Variants in GLIS3 observed in about 807,000 individuals in gnomAD.
GLIS3 encodes the protein GLIS family zinc finger 3, also known as zinc finger protein GLIS3.
A neutral mutation model predicts 78.6 loss-of-function variants in GLIS3; 53 were observed. That is an observed-to-expected ratio of 0.67 (90% CI 0.54 to 0.85). GLIS3 has a LOEUF of 0.85. GLIS3 is among the 40% of genes least tolerant of loss of function. The probability of loss-of-function intolerance (pLI) is 0.00; values close to 1 mark genes in which losing one functional copy is unlikely to be tolerated. For synonymous variants in GLIS3, 684 were observed against 509.9 expected (o/e 1.34, Z -4.60); for missense variants, 1,703 against 1,231.1 (o/e 1.38, Z -5.74).
intron 2 of GLIS3, among the ~76,000 whole-genome samples, chr9:4,171,986 G>C (rs1816412263): frequency 6.6e-6 from 1 of 152,126 alleles, no homozygotes; most frequent in South Asian, 2.1e-4. Context: ...AGGGTTTTTT[G>C]TGGTAGTTTG....
chr9:4,338,024 C>CTG (rs74777663), intron 2 of GLIS3, among the ~76,000 whole-genome samples: 17,117 of 138,672 alleles, frequency 0.12, 1,023 homozygotes, highest in East Asian at 0.17. Context: ...ATTGGCAAGG[C>CTG]TGTGTGTGTG....
intron 4 of GLIS3, among the ~76,000 whole-genome samples, chr9:4,002,978 T>A (rs1448326107): frequency 1.3e-5 from 2 of 152,236 alleles, no homozygotes; most frequent in Non-Finnish European, 1.5e-5. Flanking sequence ...TGCATACTTC[T>A]GGAAACATCC....
At chr9:4,275,784 GTAAA>G (rs1402434929) in intron 2 of GLIS3, among the ~76,000 whole-genome samples, 1 of 151,894 alleles carries the variant, frequency 6.6e-6, no homozygotes, top group African/African-American at 2.4e-5. Context: ...AAGCAAGTAA[GTAAA>G]TAAATAAATA....
intron 2 of GLIS3, among the ~76,000 whole-genome samples, chr9:4,328,119 G>A (rs567837419): frequency 2.4e-4 from 36 of 152,290 alleles, no homozygotes; most frequent in African/African-American, 8.4e-4. Context: ...TGATGGAAAA[G>A]CCCTGGATGC....
chr9:4,418,019 C>G, the GLIS3 span, among the ~76,000 whole-genome samples: 2 of 152,136 alleles, frequency 1.3e-5, no homozygotes, highest in South Asian at 2.1e-4. Context: ...CCACTAAAAC[C>G]CGCTAACACC....
intron 2 of GLIS3, among the ~76,000 whole-genome samples, chr9:4,232,994 T>A (rs1340177853): frequency 2.0e-5 from 3 of 152,240 alleles, no homozygotes; most frequent in African/African-American, 7.2e-5. Context: ...TATCATCTGC[T>A]ACTCCACTTC....
chr9:3,968,558 T>C (rs10974267), intron 4 of GLIS3, among the ~76,000 whole-genome samples: 2,966 of 152,290 alleles, frequency 0.019, 43 homozygotes, highest in Middle Eastern at 0.027. Context: ...ACAAATTATA[T>C]AAGAAAGCTA....
the GLIS3 span, among the ~76,000 whole-genome samples, chr9:4,389,203 C>G: frequency 6.6e-6 from 1 of 152,138 alleles, no homozygotes; most frequent in Non-Finnish European, 1.5e-5. Flanking sequence ...AGTAACTTGT[C>G]CAAAGTTGCA....
chr9:4,433,600 G>T, the GLIS3 span, among the ~76,000 whole-genome samples: 2 of 152,144 alleles, frequency 1.3e-5, no homozygotes, highest in African/African-American at 2.4e-5. Context: ...GAAATGATTT[G>T]CATAAGGTGA....
At chr9:4,099,581 T>C (rs961548777) in intron 4 of GLIS3, among the ~76,000 whole-genome samples, 3 of 152,204 alleles carry the variant, frequency 2.0e-5, no homozygotes, top group African/African-American at 4.8e-5. Flanking sequence ...TTTCACATAA[T>C]GTCACATTCT....
rs147727587 is a variant in GLIS3 at position 4,334,846 on chromosome 9, G to A, written n.264+12235C>T. Among the ~76,000 whole-genome samples the A allele has an allele frequency of 7.2e-3, 1,088 of 151,014 alleles. 3 individuals are homozygous for A. Among genetic ancestry groups the A allele is most frequent in the Middle Eastern group, 0.01 (3 of 288 alleles). On this transcript the variant is annotated intron_variant and non_coding_transcript_variant, in intron 2 of 4. Transcript: ENST00000471664. ...TGCCCAGCCATGGGCAGTCATGCCT[G>A]CTCTCTTCAACCCACAACTACAATA...
At chr9:4,066,034 G>T (rs376223209) in intron 4 of GLIS3, among the ~76,000 whole-genome samples, 9 of 43,412 alleles carry the variant, frequency 2.1e-4, no homozygotes, top group Admixed American at 8.3e-4. Flanking sequence ...ATGACCCAAA[G>T]AATATAAAAA....
the GLIS3 span, among the ~76,000 whole-genome samples, chr9:4,396,063 C>A: frequency 6.6e-6 from 1 of 151,230 alleles, no homozygotes; most frequent in African/African-American, 2.4e-5. Flanking sequence ...TGAGCCACTG[C>A]GCCTAGCCTG....
At chr9:4,458,509 G>T in the GLIS3 span, among the ~76,000 whole-genome samples, 1 of 152,202 alleles carries the variant, frequency 6.6e-6, no homozygotes, top group South Asian at 2.1e-4. Context: ...GTGGCCAGGG[G>T]CCAGGTGCAG....
chr9:4,385,484 C>A, the GLIS3 span, among the ~76,000 whole-genome samples: 1 of 151,944 alleles, frequency 6.6e-6, no homozygotes, highest in East Asian at 1.9e-4. Flanking sequence ...GCCAACATGG[C>A]ATAACCCTGT....
At chr9:4,406,179 A>G in the GLIS3 span, among the ~76,000 whole-genome samples, 1 of 152,162 alleles carries the variant, frequency 6.6e-6, no homozygotes, top group South Asian at 2.1e-4. Flanking sequence ...AAAGATGCCC[A>G]CTTTCGTCAC....
the GLIS3 span, among the ~76,000 whole-genome samples, chr9:4,482,161 GCAGA>G: frequency 4.6e-5 from 7 of 152,154 alleles, no homozygotes; most frequent in African/African-American, 1.4e-4. Context: ...CTTGTGTGAG[GCAGA>G]CAGAGAACTT....
At chr9:3,928,741 C>A (rs1452794686) in intron 6 of GLIS3, among the ~76,000 whole-genome samples, 1 of 152,150 alleles carries the variant, frequency 6.6e-6, no homozygotes, top group Non-Finnish European at 1.5e-5. Context: ...TTTATAACAG[C>A]CTGTTTTGAG....
rs370232925 is a variant in GLIS3, at chr9:4,078,217, T to C, written c.1710+39551A>G. Among the ~76,000 whole-genome samples the C allele has an allele frequency of 3.9e-5, 6 of 152,328 alleles. No homozygotes were observed. In the East Asian group the frequency reaches 7.7e-4, roughly 20 times the overall value. ...ATCATTTTTTTCAATATAATCCTTT[T>C]TGCAAATATAATATTATGTCAAACC... On this transcript the variant is annotated intron_variant, in intron 4 of 10. Coordinates refer to ENST00000381971, the MANE Select transcript of GLIS3 (RefSeq NM_001042413.2).
Sources: gnomAD v4.1 joint callset for allele counts (sites outside exome capture counted in the v4.1 genomes callset) on GRCh38, gnomAD v4.1.1 for gene constraint, MANE v1.5 for transcripts, NCBI Gene and HGNC (gene_info 2026-07-23, HGNC 2026-07-21) for gene names.